The following C11orf65 variants were observed in gnomAD, a reference collection of about 807,000 sequenced individuals.
C11orf65 encodes protein MFI.
A neutral mutation model predicts 35.3 loss-of-function variants in C11orf65; 38 were observed. The observed-to-expected ratio is 1.08, with a 90% CI of 0.83 to 1.41. The LOEUF (loss-of-function observed/expected upper bound fraction) is 1.41. C11orf65 is among the 40% of genes most tolerant of loss of function. The pLI is 0.00. For missense variants in C11orf65, 370 were observed against 367.1 expected, an observed-to-expected ratio of 1.01 and a Z score of -0.06; for synonymous variants, 105 against 114.4, an observed-to-expected ratio of 0.92 and a Z score of 0.53.
At chr11:108,343,086 C>A in intron 2 of C11orf65, 1 of 1,122,676 alleles carries the variant, frequency 8.9e-7, no homozygotes, top group Non-Finnish European at 1.3e-6. Flanking sequence ...CTCCAAGGAG[C>A]TTTGTCTTCT....
intron 2 of C11orf65, among the ~76,000 whole-genome samples, chr11:108,442,397 C>T (rs1028704978): frequency 2.0e-5 from 3 of 152,186 alleles, no homozygotes; most frequent in African/African-American, 7.2e-5. Flanking sequence ...TTGGAAAACA[C>T]TCTTAAGAAT....
chr11:108,437,110 A>AGGGGG (rs1555172798), intron 2 of C11orf65, among the ~76,000 whole-genome samples: 1 of 101,928 alleles, frequency 9.8e-6, no homozygotes, highest in East Asian at 3.5e-4. Flanking sequence ...AAAAAAAAAA[A>AGGGGG]GGGGGGGGGT....
intron 2 of C11orf65, among the ~76,000 whole-genome samples, chr11:108,447,214 G>C (rs577493449): frequency 7.9e-5 from 12 of 152,112 alleles, no homozygotes; most frequent in South Asian, 2.1e-4. Flanking sequence ...GTCAACATTA[G>C]ACAGATCAAC....
At chr11:108,331,150 A>T, downstream of C11orf65, 1 of 1,107,094 alleles carries the variant, frequency 9.0e-7, no homozygotes, top group Non-Finnish European at 1.1e-6. Flanking sequence ...TCACACTCAG[A>T]TCACATTTGT....
intron 2 of C11orf65, among the ~76,000 whole-genome samples, chr11:108,339,948 A>G (rs2087325933): frequency 6.6e-6 from 1 of 152,188 alleles, no homozygotes; most frequent in African/African-American, 2.4e-5. Flanking sequence ...TGTTTATTCA[A>G]TAAATGTGAA....
rs138303681 is a variant in C11orf65 at position 108,347,944 on chromosome 11, T to C, written c.227-12652A>G. Among the ~76,000 whole-genome samples the C allele has an allele frequency of 8.7e-3, 1,325 of 152,272 alleles. 20 individuals are homozygous for C. Among genetic ancestry groups the C allele is most frequent in the African/African-American group, 0.03 (1,236 of 41,554 alleles). ...TTAAGGGATATTGTAATAGTTTAGA[T>C]GAGAAATGATGAAGATTTATACTAA... On this transcript the variant is annotated intron_variant, in intron 2 of 3. Transcript: ENST00000524755.
At chr11:108,440,541 C>T (rs1358292311) in intron 2 of C11orf65, among the ~76,000 whole-genome samples, 3 of 152,118 alleles carry the variant, frequency 2.0e-5, no homozygotes, top group Admixed American at 6.5e-5. Context: ...TTTTCACTTA[C>T]GTATCTGCTT....
intron 6 of C11orf65, among the ~76,000 whole-genome samples, chr11:108,405,157 T>C (rs2092517086): frequency 6.6e-6 from 1 of 152,172 alleles, no homozygotes; most frequent in Non-Finnish European, 1.5e-5. Context: ...TGTTAACTAA[T>C]CTTAATGAAT....
chr11:108,456,108 T>C (rs1310205544), intron 2 of C11orf65, among the ~76,000 whole-genome samples: 2 of 152,104 alleles, frequency 1.3e-5, no homozygotes, highest in Non-Finnish European at 2.9e-5. Flanking sequence ...TGAGCTGAGA[T>C]TGTGCCACTG....
chr11:108,357,240 C>G (rs564657062), intron 2 of C11orf65, among the ~76,000 whole-genome samples: 2 of 152,300 alleles, frequency 1.3e-5, no homozygotes, highest in African/African-American at 4.8e-5. Flanking sequence ...TTTGGACCGG[C>G]TTAAAAAACG....
In C11orf65 at chr11:108,424,081, C is replaced by T. The variant is rs989906736; in HGVS notation, c.174+7665G>A. Among the ~76,000 whole-genome samples the T allele has an allele frequency of 5.9e-5, 9 of 152,240 alleles. No individual in the cohort carries two copies. In the East Asian group the frequency reaches 1.5e-3, roughly 26 times the overall value. Reference sequence around the variant, plus strand: ...AGTTAGACGAATTGACAGAAGTAGGCTTTAGAAGGTGGATAACAAACTCCT... The same window carrying T: ...AGTTAGACGAATTGACAGAAGTAGGTTTTAGAAGGTGGATAACAAACTCCT... On this transcript the variant is annotated intron_variant, in intron 3 of 8. Coordinates refer to ENST00000393084, the MANE Select transcript of C11orf65 (RefSeq NM_152587.5).
chr11:108,331,381 C>T, downstream of C11orf65: 1 of 1,563,724 alleles, frequency 6.4e-7, no homozygotes, highest in Non-Finnish European at 8.7e-7. Context: ...AACTTACTTG[C>T]TTAGATGTGA....
chr11:108,411,615 T>C (rs1274294110), intron 3 of C11orf65, among the ~76,000 whole-genome samples: 1 of 152,204 alleles, frequency 6.6e-6, no homozygotes, highest in Non-Finnish European at 1.5e-5. Flanking sequence ...ATGATTACTA[T>C]ATTTCTTCTG....
rs2089570249 is a variant in C11orf65 at position 108,354,070 on chromosome 11, A to AC, written c.227-18779_227-18778insG. Among the ~76,000 whole-genome samples the AC allele has an allele frequency of 0.061, 7,023 of 114,890 alleles. 240 individuals carry two copies. The highest frequency in any genetic ancestry group is 0.1 in the South Asian group (335 of 3,302). The allele number at this position is 114,890 out of a possible 152,430, so 75.4% of individuals were successfully genotyped here. On this transcript the variant is annotated intron_variant, in intron 2 of 3. Coordinates refer to the C11orf65 transcript ENST00000524755. Reference sequence around the variant, plus strand: ...GTATCTAAAAAAATACACACACACAAACACACACACACACACACACACACA... The same window carrying AC: ...GTATCTAAAAAAATACACACACACAACACACACACACACACACACACACACA...
intron 2 of C11orf65, among the ~76,000 whole-genome samples, chr11:108,443,131 A>C (rs189522392): frequency 1.2e-4 from 18 of 152,188 alleles, no homozygotes; most frequent in Non-Finnish European, 2.5e-4. Flanking sequence ...AAGATCTAAC[A>C]AGCAAATGGA....
chr11:108,417,686 T>C (rs2138840437), intron 3 of C11orf65, among the ~76,000 whole-genome samples: 1 of 152,206 alleles, frequency 6.6e-6, no homozygotes, highest in African/African-American at 2.4e-5. Flanking sequence ...TGTGCGCATG[T>C]TCTCACTCAT....
At chr11:108,437,944 A>G (rs2135481770) in intron 2 of C11orf65, among the ~76,000 whole-genome samples, 1 of 152,216 alleles carries the variant, frequency 6.6e-6, no homozygotes, top group East Asian at 1.9e-4. Flanking sequence ...ACAGTCTTGA[A>G]AAAGAATAAA....
Position 108,350,555 on chromosome 11 carries a change from A to G in C11orf65, c.227-15263T>C, listed in dbSNP as rs541890761. Among the ~76,000 whole-genome samples, 4 of 152,330 alleles carry G rather than the reference A, an allele frequency of 2.6e-5. No individual in the cohort carries two copies. The East Asian group carries it at 7.7e-4, about 29-fold the overall frequency. ...TCCATTAGAACAGAGACAGTCACGG[A>G]TATTATATGGTTTTCCCCAGAATGA... On this transcript the variant is annotated intron_variant, in intron 2 of 3. Coordinates refer to the C11orf65 transcript ENST00000524755.
intron 2 of C11orf65, among the ~76,000 whole-genome samples, chr11:108,441,678 T>C (rs1398119135): frequency 3.9e-5 from 6 of 152,246 alleles, no homozygotes; most frequent in Admixed American, 3.9e-4. Context: ...TTTGCTGTTC[T>C]GCAGCCTCCG....
Sources: gnomAD v4.1 joint callset for allele counts (sites outside exome capture counted in the v4.1 genomes callset) on GRCh38, gnomAD v4.1.1 for gene constraint, MANE v1.5 for transcripts, NCBI Gene and HGNC (gene_info 2026-07-23, HGNC 2026-07-21) for gene names.